TBL1XR1: variants seen among roughly 807,000 people sequenced by gnomAD.
TBL1XR1 encodes the protein F-box-like/WD repeat-containing protein TBL1XR1.
TBL1XR1 carries 5 observed loss-of-function variants against 66.9 expected under a neutral mutation model. The observed-to-expected ratio is 0.07, with a 90% CI of 0.04 to 0.16. The LOEUF (loss-of-function observed/expected upper bound fraction) is 0.16. Among genes scored for constraint, TBL1XR1 ranks in the 10% least tolerant of loss-of-function variants. The pLI, the probability that TBL1XR1 is intolerant of heterozygous loss-of-function variation, is 1.00. For synonymous variants in TBL1XR1, 210 were observed against 206.0 expected (o/e 1.02, Z -0.17); for missense variants, 238 against 623.2 (o/e 0.38, Z 6.58).
chr3:177,156,096 CA>C (rs1003291099), intron 1 of TBL1XR1, among the ~76,000 whole-genome samples: 16 of 51,494 alleles, frequency 3.1e-4, no homozygotes, highest in African/African-American at 5.5e-4. Flanking sequence ...TTTCTTAGAA[CA>C]AAAAAAAACA....
At chr3:177,090,825 A>G (rs1722740281) in intron 2 of TBL1XR1, among the ~76,000 whole-genome samples, 1 of 151,974 alleles carries the variant, frequency 6.6e-6, no homozygotes, top group Non-Finnish European at 1.5e-5. Context: ...AAAATAAAAT[A>G]GAAGTTAAAA....
intron 2 of TBL1XR1, among the ~76,000 whole-genome samples, chr3:177,096,011 C>T (rs956618055): frequency 6.6e-6 from 1 of 151,878 alleles, no homozygotes; most frequent in Non-Finnish European, 1.5e-5. Context: ...TACTATATAC[C>T]AACCTTTTAA....
At chr3:177,048,844 A>G (rs1158319997) in intron 7 of TBL1XR1, among the ~76,000 whole-genome samples, 2 of 152,204 alleles carry the variant, frequency 1.3e-5, no homozygotes, top group African/African-American at 4.8e-5. Flanking sequence ...CAACAAACCA[A>G]TATTCATTAA....
Position 177,032,856 on chromosome 3 carries a change from A to G in TBL1XR1, c.1416+115T>C, listed in dbSNP as rs1714200782. The G allele has an allele frequency of 1.9e-5, 16 of 859,656 alleles. No individual in the cohort carries two copies. The South Asian group carries it at 5.1e-4, about 28-fold the overall frequency. The allele number at this position is 859,656 out of a possible 1,614,324, so 53.3% of individuals were successfully genotyped here. A position where few individuals can be genotyped will look rare whatever the true frequency, so the allele number is the denominator to read the frequency against. ...TAGTTTCTATCTTATTTTAAAACCA[A>G]TAATTCAATTAATGCCACAAGAGGA... On this transcript the variant is annotated intron_variant, in intron 14 of 15. Transcript: ENST00000457928.
At chr3:177,118,607 T>C (rs1007388737) in intron 1 of TBL1XR1, among the ~76,000 whole-genome samples, 6 of 152,244 alleles carry the variant, frequency 3.9e-5, no homozygotes, top group African/African-American at 1.4e-4. Flanking sequence ...TGAGGCTTAG[T>C]TGCATGTAAT....
At chr3:177,190,733 G>A (rs1009709597) in intron 1 of TBL1XR1, among the ~76,000 whole-genome samples, 20 of 152,238 alleles carry the variant, frequency 1.3e-4, no homozygotes, top group African/African-American at 4.8e-4. Flanking sequence ...AATCTTTAAG[G>A]TCTAACTCAA....
At chr3:177,043,267 C>T (rs1000859458) in intron 10 of TBL1XR1, among the ~76,000 whole-genome samples, 6 of 152,156 alleles carry the variant, frequency 3.9e-5, no homozygotes, top group Admixed American at 2.0e-4. Flanking sequence ...CTAAAGTCTT[C>T]AACAATTGGA....
chr3:177,188,049 A>G (rs1370024141), intron 1 of TBL1XR1, among the ~76,000 whole-genome samples: 1 of 145,770 alleles, frequency 6.9e-6, no homozygotes, highest in Non-Finnish European at 1.5e-5. Flanking sequence ...TCCCAGGTTC[A>G]GGCTAACAGG....
intron 2 of TBL1XR1, among the ~76,000 whole-genome samples, chr3:177,072,000 A>T (rs919949518): frequency 2.0e-5 from 3 of 152,206 alleles, no homozygotes; most frequent in Non-Finnish European, 2.9e-5. Flanking sequence ...CCATAACCAC[A>T]CTGAGGCCCT....
chr3:177,137,137 G>GA (rs769097433), intron 1 of TBL1XR1, among the ~76,000 whole-genome samples: 1 of 151,904 alleles, frequency 6.6e-6, no homozygotes, highest in African/African-American at 2.4e-5. Flanking sequence ...TATGGGGGGG[G>GA]AAAGATGACT....
At chr3:177,147,333 G>A (rs1166383673) in intron 1 of TBL1XR1, among the ~76,000 whole-genome samples, 1 of 152,150 alleles carries the variant, frequency 6.6e-6, no homozygotes, top group African/African-American at 2.4e-5. Context: ...ACAGGGATGA[G>A]CCACGATGCC....
rs540087838 is a variant in TBL1XR1 at position 177,192,197 on chromosome 3, A to G, written c.-122+4924T>C. Among the ~76,000 whole-genome samples, 357 of 151,936 alleles carry G rather than the reference A, an allele frequency of 2.3e-3. 1 individual carries two copies. Among genetic ancestry groups the G allele is most frequent in the African/African-American group, 7.9e-3 (328 of 41,452 alleles). On this transcript the variant is annotated intron_variant, in intron 1 of 15. Transcript: ENST00000457928. ...CAGATCACAAGGTCAAGAGATGGAG[A>G]CCACATGGTGAAACCCCGTCTCTAC...
intron 1 of TBL1XR1, among the ~76,000 whole-genome samples, chr3:177,180,538 T>C (rs141319060): frequency 9.6e-4 from 146 of 152,276 alleles, no homozygotes; most frequent in African/African-American, 3.4e-3. Flanking sequence ...TAAAATACTG[T>C]TGCAATCATT....
chr3:177,080,008 G>C (rs1721200518), intron 2 of TBL1XR1: 1 of 152,082 alleles, frequency 6.6e-6, no homozygotes. Flanking sequence ...AACACTGAGT[G>C]ATCCTAAAGA....
Position 177,050,461 on chromosome 3 carries a change from C to A in TBL1XR1, c.560+17G>T, listed in dbSNP as rs1476184810. On this transcript the variant is annotated intron_variant, in intron 6 of 15. Coordinates refer to ENST00000457928, the MANE Select transcript of TBL1XR1 (RefSeq NM_024665.7). ...AGATATTTTTAAGTCATTTTAGTATCACTTTGAGAAACATACCCTGATGCT... is the reference window on the plus strand; with the variant it reads ...AGATATTTTTAAGTCATTTTAGTATAACTTTGAGAAACATACCCTGATGCT... 1.2e-6 allele frequency: 2 copies of A among 1,612,124 alleles called. No homozygotes were observed. The highest frequency in any genetic ancestry group is 3.4e-5 in the Admixed American group (2 of 59,650).
chr3:177,064,315 T>C (rs985659181), intron 3 of TBL1XR1, among the ~76,000 whole-genome samples: 2 of 152,200 alleles, frequency 1.3e-5, no homozygotes, highest in African/African-American at 4.8e-5. Flanking sequence ...CCTCTTCTAC[T>C]TTTAAATTTT....
chr3:177,123,561 T>G (rs1014100436), intron 1 of TBL1XR1, among the ~76,000 whole-genome samples: 1 of 146,386 alleles, frequency 6.8e-6, no homozygotes, highest in Non-Finnish European at 1.5e-5. Context: ...AGAAAAAAGA[T>G]ACCTAATTTT....
chr3:177,141,988 C>T (rs980119544), intron 1 of TBL1XR1, among the ~76,000 whole-genome samples: 1 of 152,048 alleles, frequency 6.6e-6, no homozygotes, highest in Non-Finnish European at 1.5e-5. Flanking sequence ...CATAAGGTAC[C>T]TATAATACTC....
rs79479704 is a variant in TBL1XR1 at position 177,125,325 on chromosome 3, G to A, written c.-121-26784C>T. Among the ~76,000 whole-genome samples, 941 of 152,154 alleles carry A rather than the reference G, an allele frequency of 6.2e-3. 11 individuals carry two copies. The highest frequency in any genetic ancestry group is 0.022 in the African/African-American group (902 of 41,514). On this transcript the variant is annotated intron_variant, in intron 1 of 15. Transcript: ENST00000457928. Reference sequence around the variant, plus strand: ...CGCTCAACATCACCAGCTATCAGGAGAAATGCAGAACAAAATCACAATGAG... The same window carrying A: ...CGCTCAACATCACCAGCTATCAGGAAAAATGCAGAACAAAATCACAATGAG...
Sources: allele counts gnomAD v4.1 joint callset (sites outside exome capture counted in the v4.1 genomes callset), GRCh38; gene constraint gnomAD v4.1.1; transcripts MANE v1.5; gene names NCBI Gene and HGNC (gene_info 2026-07-23, HGNC 2026-07-21).